The following SLIT2 variants were observed in gnomAD, a reference collection of about 807,000 sequenced individuals.
The protein encoded by SLIT2 is slit guidance ligand 2.
A neutral mutation model predicts 185.7 loss-of-function variants in SLIT2; 41 were observed. That is an observed-to-expected ratio of 0.22 (90% confidence interval 0.17 to 0.29). The LOEUF (loss-of-function observed/expected upper bound fraction) is 0.29. Ranked by LOEUF, SLIT2 falls within the 10% of genes least tolerant of loss-of-function variation. The pLI is 1.00. For missense variants in SLIT2, 1,571 were observed against 1,909.0 expected (o/e 0.82, Z 3.30); for synonymous variants, 693 against 680.2 (o/e 1.02, Z -0.29).
chr4:20,569,350 A>G (rs1725368126), intron 29 of SLIT2: 1 of 234,660 alleles, frequency 4.3e-6, no homozygotes. Flanking sequence ...TGTAAAGAGG[A>G]CATTTATTTA....
chr4:20,476,425 C>CAAT (rs944879822), intron 5 of SLIT2, among the ~76,000 whole-genome samples: 1 of 151,828 alleles, frequency 6.6e-6, no homozygotes, highest in East Asian at 1.9e-4. Flanking sequence ...TTCTATCTTA[C>CAAT]AATAATAATA....
chr4:20,449,346 T>C (rs1712209024), intron 4 of SLIT2, among the ~76,000 whole-genome samples: 2 of 152,168 alleles, frequency 1.3e-5, no homozygotes, highest in Admixed American at 1.3e-4. Flanking sequence ...CTGGAGACAA[T>C]GTATTGGTTT....
intron 29 of SLIT2, among the ~76,000 whole-genome samples, chr4:20,576,736 A>C (rs1052416574): frequency 6.6e-6 from 1 of 152,210 alleles, no homozygotes; most frequent in African/African-American, 2.4e-5. Flanking sequence ...ATCTCAAAAA[A>C]AAGTTTTAAA....
chr4:20,459,135 A>G (rs1378071560), intron 4 of SLIT2, among the ~76,000 whole-genome samples: 1 of 152,130 alleles, frequency 6.6e-6, no homozygotes, highest in Non-Finnish European at 1.5e-5. Flanking sequence ...AGTGGGAGAA[A>G]AAAAAAAACA....
At chr4:20,494,940 C>T (rs950289953) in intron 9 of SLIT2, among the ~76,000 whole-genome samples, 4 of 151,964 alleles carry the variant, frequency 2.6e-5, no homozygotes, top group African/African-American at 9.7e-5. Flanking sequence ...AGAGGAGAAG[C>T]TCAAGAACCT....
chr4:20,358,687 A>G (rs13134750), intron 4 of SLIT2, among the ~76,000 whole-genome samples: 24,832 of 152,074 alleles, frequency 0.16, 2,615 homozygotes, highest in East Asian at 0.43. Context: ...CTTGAAGTTA[A>G]TTAAACTCAG....
At chr4:20,508,546 T>C (rs896340909) in intron 9 of SLIT2, among the ~76,000 whole-genome samples, 2 of 152,032 alleles carry the variant, frequency 1.3e-5, no homozygotes, top group Non-Finnish European at 2.9e-5. Flanking sequence ...GTAAAGACAA[T>C]ACACCCAATT....
At chr4:20,503,994 G>A (rs1208097063) in intron 9 of SLIT2, among the ~76,000 whole-genome samples, 1 of 152,002 alleles carries the variant, frequency 6.6e-6, no homozygotes, top group African/African-American at 2.4e-5. Context: ...TCTGGAAACT[G>A]CAATTATAAA....
chr4:20,336,234 T>C (rs1035127682), intron 4 of SLIT2, among the ~76,000 whole-genome samples: 1 of 152,168 alleles, frequency 6.6e-6, no homozygotes, highest in Non-Finnish European at 1.5e-5. Context: ...AATTAGTTTT[T>C]CCTTTAATAT....
At chr4:20,593,423 A>G (rs1228633087) in intron 30 of SLIT2, among the ~76,000 whole-genome samples, 1 of 152,110 alleles carries the variant, frequency 6.6e-6, no homozygotes, top group African/African-American at 2.4e-5. Flanking sequence ...GGAATTTTAA[A>G]AAGTCAAACT....
intron 3 of SLIT2, among the ~76,000 whole-genome samples, chr4:20,268,594 C>A (rs977107440): frequency 2.0e-5 from 3 of 151,728 alleles, no homozygotes; most frequent in Admixed American, 1.3e-4. Context: ...AGTTTAGACC[C>A]CAGTAATCAT....
chr4:20,567,277 A>C lies in SLIT2; in HGVS notation c.2741A>C (p.Asn914Thr). The C allele has an allele frequency of 6.2e-7, 1 of 1,609,340 alleles. No individual in the cohort carries two copies. The highest frequency in any genetic ancestry group is 8.5e-7 in the Non-Finnish European group (1 of 1,178,360). ...TAATTTTCAGGTCCTGTGGATGTCA[A>C]TATTCTAGCTAAGTGTAACCCCTGC... ...KFTCQGPVDV[N>T]ILAKCNPCLS... Residue 914 changes from asparagine to threonine, a missense_variant, in exon 27 of 37, where the codon AAT becomes ACT. This residue lies in a region of SLIT2 where 1,202 missense variants were observed against 1,416.4 expected (regional missense o/e 0.85). Coordinates refer to ENST00000504154, the MANE Select transcript of SLIT2 (RefSeq NM_004787.4).
At chr4:20,348,421 TA>T (rs1439307956) in intron 4 of SLIT2, among the ~76,000 whole-genome samples, 1 of 148,864 alleles carries the variant, frequency 6.7e-6, no homozygotes, top group Non-Finnish European at 1.5e-5. Context: ...TTTTTTAATA[TA>T]TTTTTAGTAG....
chr4:20,353,008 A>G (rs1722012340), intron 4 of SLIT2, among the ~76,000 whole-genome samples: 1 of 152,238 alleles, frequency 6.6e-6, no homozygotes, highest in African/African-American at 2.4e-5. Flanking sequence ...CTGTTGTATA[A>G]TCATCTAGAG....
intron 11 of SLIT2, among the ~76,000 whole-genome samples, chr4:20,515,304 TTGTA>T (rs1337292761): frequency 6.6e-6 from 1 of 152,196 alleles, no homozygotes; most frequent in African/African-American, 2.4e-5. Flanking sequence ...AGAAAGCAAT[TTGTA>T]TGTTTCTGGA....
intron 4 of SLIT2, among the ~76,000 whole-genome samples, chr4:20,379,335 CA>C (rs949227751): frequency 6.6e-6 from 1 of 152,068 alleles, no homozygotes; most frequent in Non-Finnish European, 1.5e-5. Context: ...AAAATAACGA[CA>C]TTTATTATAA....
intron 4 of SLIT2, among the ~76,000 whole-genome samples, chr4:20,360,486 T>C (rs1011309895): frequency 8.5e-5 from 13 of 152,154 alleles, no homozygotes; most frequent in Non-Finnish European, 1.3e-4. Flanking sequence ...ACTTAGTAAA[T>C]TAGTTTTCTT....
intron 4 of SLIT2, among the ~76,000 whole-genome samples, chr4:20,290,503 A>C (rs1252202369): frequency 6.6e-6 from 1 of 152,128 alleles, no homozygotes; most frequent in Non-Finnish European, 1.5e-5. Flanking sequence ...GGACTTTTGC[A>C]TTCTTAGAGT....
chr4:20,595,871 A>G (rs1727940606), intron 31 of SLIT2, 37 bp downstream of exon 31: 1 of 1,574,404 alleles, frequency 6.4e-7, no homozygotes, highest in Admixed American at 1.7e-5. Flanking sequence ...GTGTTCAATA[A>G]GACCTAGCAC....
Sources: gnomAD v4.1 joint callset for allele counts (sites outside exome capture counted in the v4.1 genomes callset) on GRCh38, gnomAD v4.1.1 for gene constraint, gnomAD v4.1.1 regional missense constraint, MANE v1.5 for transcripts, NCBI Gene and HGNC (gene_info 2026-07-23, HGNC 2026-07-21) for gene names.